Variants in CD274 observed in about 807,000 individuals in gnomAD.
The protein encoded by CD274 is programmed cell death 1 ligand 1.
CD274 carries 8 observed loss-of-function variants against 30.1 expected under a neutral mutation model. The observed-to-expected ratio is 0.27, with a 90% CI of 0.16 to 0.48. The LOEUF (loss-of-function observed/expected upper bound fraction) is 0.48. CD274 is among the 20% of genes least tolerant of loss of function. The pLI, the probability that CD274 is intolerant of heterozygous loss-of-function variation, is 0.99. For missense variants in CD274, 353 were observed against 346.6 expected (o/e 1.02, Z -0.15); for synonymous variants, 152 against 124.6 (o/e 1.22, Z -1.46).
intron 4 of CD274, among the ~76,000 whole-genome samples, chr9:5,463,727 C>G (rs557943341): frequency 3.9e-5 from 6 of 152,316 alleles, no homozygotes; most frequent in African/African-American, 1.4e-4. Context: ...GGGCAAATTA[C>G]TAGACTTCTG....
intron 4 of CD274, chr9:5,463,342 C>T (rs1819441004): frequency 1.8e-6 from 1 of 551,598 alleles, no homozygotes; most frequent in Non-Finnish European, 3.3e-6. Flanking sequence ...CCTTTTGTTC[C>T]ATGCATTGTA....
intron 4 of CD274, 99 bp downstream of exon 4, chr9:5,463,220 A>ATC: frequency 5.8e-6 from 5 of 860,844 alleles, no homozygotes; most frequent in Non-Finnish European, 7.6e-6. Flanking sequence ...TTGTTGAATA[A>ATC]ATGAATGAAT....
At chr9:5,460,492 A>T (rs769795433) in intron 3 of CD274, among the ~76,000 whole-genome samples, 1 of 152,122 alleles carries the variant, frequency 6.6e-6, no homozygotes, top group Non-Finnish European at 1.5e-5. Context: ...GTGTCTTTCA[A>T]TGATGGAATC....
At chr9:5,457,045 C>T (rs749121455) in intron 2 of CD274, 34 bp from the exon 3 acceptor site, 9 of 1,465,914 alleles carry the variant, frequency 6.1e-6, no homozygotes, top group South Asian at 1.2e-5. Context: ...GAGGAATTTT[C>T]CCTTTTCTGA....
At position 5,469,955 on chromosome 9, in the gene CD274, G is replaced by T. The variant is rs1586771052; in HGVS notation, c.*2093G>T. 4.3e-6 allele frequency: 1 copy of T among 233,178 alleles called. No homozygotes were observed. The highest frequency in any genetic ancestry group is 6.0e-5 in the East Asian group (1 of 16,586). The allele number at this position is 233,178 out of a possible 1,614,324, so 14.4% of individuals were successfully genotyped here. ...TTTTCTTTCTGGAAATTCCGGCAGTGTACCTTGACTGCTAGCTACCCTGTG... is the reference window on the plus strand; with the variant it reads ...TTTTCTTTCTGGAAATTCCGGCAGTTTACCTTGACTGCTAGCTACCCTGTG... On this transcript the variant is annotated 3_prime_UTR_variant, in exon 7 of 7. Coordinates refer to ENST00000381577, the MANE Select transcript of CD274 (RefSeq NM_014143.4).
chr9:5,465,769 G>A (rs1323645512), intron 5 of CD274, 163 bp downstream of exon 5: 4 of 542,894 alleles, frequency 7.4e-6, no homozygotes, highest in African/African-American at 1.9e-5. Flanking sequence ...ACTGGGTGAA[G>A]ATGAAGCGTA....
At position 5,462,952 on chromosome 9, in the gene CD274, C is replaced by T. The variant is rs201730760; in HGVS notation, c.513C>T (p.Asp171=). 6 of 1,614,062 alleles carry T rather than the reference C, an allele frequency of 3.7e-6. No individual in the cohort carries two copies. The highest frequency in any genetic ancestry group is 1.7e-5 in the Admixed American group (1 of 59,992). The change falls in exon 4 of 7, where the codon GAC becomes GAT. Residue 171 remains aspartate, a synonymous_variant. Transcript: ENST00000381577. ...PKAEVIWTSS[D]HQVLSGKTTT... ...CCGAAGTCATCTGGACAAGCAGTGA[C>T]CATCAAGTCCTGAGTGGTAAGACCA... is the stretch of plus-strand genomic sequence containing the variant.
At chr9:5,461,378 C>T (rs981063331) in intron 3 of CD274, among the ~76,000 whole-genome samples, 4 of 152,106 alleles carry the variant, frequency 2.6e-5, no homozygotes, top group East Asian at 3.8e-4. Flanking sequence ...TCCGTAGCTA[C>T]CCCAAAGCAA....
At chr9:5,455,034 TA>T (rs1053067895) in intron 1 of CD274, among the ~76,000 whole-genome samples, 1 of 152,178 alleles carries the variant, frequency 6.6e-6, no homozygotes, top group African/African-American at 2.4e-5. Flanking sequence ...ATTTATATAT[TA>T]GGAACATTAA....
rs2131232910 is a variant in CD274, at chr9:5,466,781, G to C, written c.802G>C (p.Asp268His). ...IFRLRKGRMMDVKKCGIQDTN... is the reference protein window; with the variant it reads ...IFRLRKGRMMHVKKCGIQDTN... ...TTCTTTTTCTCAAGGGAGAATGATGGATGTGAAAAAATGTGGCATCCAAGA... is the reference window on the plus strand; with the variant it reads ...TTCTTTTTCTCAAGGGAGAATGATGCATGTGAAAAAATGTGGCATCCAAGA... Residue 268 changes from aspartate to histidine, a missense_variant, in exon 6 of 7, where the codon GAT becomes CAT. Physicochemically the swap from Asp to His is moderately conservative, Grantham distance 81. Transcript: ENST00000381577. The C allele has an allele frequency of 1.9e-6, 3 of 1,610,776 alleles. No individual in the cohort carries two copies. Among genetic ancestry groups the C allele is most frequent in the Non-Finnish European group, 2.5e-6 (3 of 1,178,278 alleles).
In CD274 at chr9:5,469,705, T is replaced by G. The variant is rs1586770939; in HGVS notation, c.*1843T>G. ...TGTTAAATATGTCCTACATATACATTTAGACAACCACCATTTGTTAAGTAT... is the reference window on the plus strand; with the variant it reads ...TGTTAAATATGTCCTACATATACATGTAGACAACCACCATTTGTTAAGTAT... On this transcript the variant is annotated 3_prime_UTR_variant, in exon 7 of 7. Transcript: ENST00000381577. 16 of 232,624 alleles carry G rather than the reference T, an allele frequency of 6.9e-5. No individual in the cohort carries two copies. The East Asian group carries it at 9.7e-4, about 14-fold the overall frequency. The allele number at this position is 232,624 out of a possible 1,614,324, so 14.4% of individuals were successfully genotyped here.
At position 5,468,306 on chromosome 9, in the gene CD274, G is replaced by A. The variant is rs1286675417; in HGVS notation, c.*444G>A. Reference sequence around the variant, plus strand: ...AGTGTTGGAACGGGACAGTATTTATGTATGAGTTTTTCCTATTTATTTTGA... The same window carrying A: ...AGTGTTGGAACGGGACAGTATTTATATATGAGTTTTTCCTATTTATTTTGA... On this transcript the variant is annotated 3_prime_UTR_variant, in exon 7 of 7. Coordinates refer to ENST00000381577, the MANE Select transcript of CD274 (RefSeq NM_014143.4). 1.6e-5 allele frequency: 4 copies of A among 242,590 alleles called. No homozygotes were observed. Among genetic ancestry groups the A allele is most frequent in the Non-Finnish European group, 2.4e-5 (3 of 124,836 alleles). The allele number at this position is 242,590 out of a possible 1,614,324, so 15.0% of individuals were successfully genotyped here. A position where few individuals can be genotyped will look rare whatever the true frequency, so the allele number is the denominator to read the frequency against.
Position 5,468,010 on chromosome 9 carries a change from C to A in CD274, c.*148C>A. ...AAAGGCCCAAGCACTGAAAATGGAA[C>A]CTGGCGAAAGCAGAGGAGGAGAATG... On this transcript the variant is annotated 3_prime_UTR_variant, in exon 7 of 7. Coordinates refer to ENST00000381577, the MANE Select transcript of CD274 (RefSeq NM_014143.4). 1 of 694,626 alleles carries A rather than the reference C, an allele frequency of 1.4e-6. No individual in the cohort carries two copies. The highest frequency in any genetic ancestry group is 1.6e-5 in the South Asian group (1 of 60,930). The allele number at this position is 694,626 out of a possible 1,614,324, so 43.0% of individuals were successfully genotyped here. A position where few individuals can be genotyped will look rare whatever the true frequency, so the allele number is the denominator to read the frequency against.
Position 5,468,708 on chromosome 9 carries a change from A to G in CD274, c.*846A>G, listed in dbSNP as rs184360875. The G allele has an allele frequency of 1.3e-5, 3 of 233,102 alleles. No individual in the cohort carries two copies. Among genetic ancestry groups the G allele is most frequent in the African/African-American group, 6.6e-5 (3 of 45,454 alleles). The allele number at this position is 233,102 out of a possible 1,614,324, so 14.4% of individuals were successfully genotyped here. On this transcript the variant is annotated 3_prime_UTR_variant, in exon 7 of 7. Transcript: ENST00000381577. ...TCATCGCTGTAACCACCCTGTTGTG[A>G]TAACCACTATTATTTTACCCATCGT...
At chr9:5,466,971 ACTC>A (rs1819507367) in intron 6 of CD274, 142 bp downstream of exon 6, 2 of 611,900 alleles carry the variant, frequency 3.3e-6, no homozygotes, top group Non-Finnish European at 5.7e-6. Flanking sequence ...TAACACAAGA[ACTC>A]CTCCACCGTC....
At chr9:5,456,190 G>A in intron 2 of CD274, 25 bp downstream of exon 2, 2 of 1,483,894 alleles carry the variant, frequency 1.3e-6, no homozygotes, top group Non-Finnish European at 9.3e-7. Context: ...CCTTCCATTA[G>A]GTTCTATATT....
chr9:5,469,046 C>G lies in CD274; in HGVS notation c.*1184C>G, dbSNP rs899604155. On this transcript the variant is annotated 3_prime_UTR_variant, in exon 7 of 7. Coordinates refer to ENST00000381577, the MANE Select transcript of CD274 (RefSeq NM_014143.4). ...ATAAGGATGATGCGAGGGGAAAACC[C>G]GAGCAGTGTTGCCAAGAGGAGGAAA... 1 of 232,876 alleles carries G rather than the reference C, an allele frequency of 4.3e-6. No homozygotes were observed. The highest frequency in any genetic ancestry group is 8.5e-6 in the Non-Finnish European group (1 of 117,916). 14.4% of individuals were successfully genotyped at this position (232,876 alleles called of 1,614,324 possible).
In CD274 at chr9:5,469,012, T is replaced by A; in HGVS notation, c.*1150T>A. Reference sequence around the variant, plus strand: ...AATGTATTATTACAATTTAGTCCAGTGTCATAGCATAAGGATGATGCGAGG... The same window carrying A: ...AATGTATTATTACAATTTAGTCCAGAGTCATAGCATAAGGATGATGCGAGG... On this transcript the variant is annotated 3_prime_UTR_variant, in exon 7 of 7. Coordinates refer to ENST00000381577, the MANE Select transcript of CD274 (RefSeq NM_014143.4). The A allele has an allele frequency of 4.3e-6, 1 of 233,088 alleles. No homozygotes were observed. The highest frequency in any genetic ancestry group is 8.5e-6 in the Non-Finnish European group (1 of 117,934). The allele number at this position is 233,088 out of a possible 1,614,324, so 14.4% of individuals were successfully genotyped here.
chr9:5,463,191 T>A (rs1323819478), intron 4 of CD274, 70 bp downstream of exon 4: 1 of 1,159,776 alleles, frequency 8.6e-7, no homozygotes, highest in Non-Finnish European at 1.3e-6. Flanking sequence ...GATGTCTGCC[T>A]ATCATAGTCA....
Sources: allele counts gnomAD v4.1 joint callset (sites outside exome capture counted in the v4.1 genomes callset), GRCh38; gene constraint gnomAD v4.1.1; transcripts MANE v1.5; gene names NCBI Gene and HGNC (gene_info 2026-07-23, HGNC 2026-07-21).